Variants in HMG20B observed in about 807,000 individuals in gnomAD.
The protein encoded by HMG20B is high mobility group 20B.
Under a neutral mutation model 41.6 loss-of-function variants are expected in HMG20B, and 24 were observed. The ratio of observed to expected loss-of-function variants is 0.58; its 90% CI spans 0.42 to 0.81. The LOEUF (loss-of-function observed/expected upper bound fraction) is 0.81, where lower values mean the gene tolerates loss of function less well. Among genes scored for constraint, HMG20B ranks in the 30% least tolerant of loss-of-function variants. The pLI is 0.00. For missense variants in HMG20B, 461 were observed against 444.0 expected (o/e 1.04, Z -0.34); for synonymous variants, 251 against 186.6 (o/e 1.34, Z -2.81).
At chr19:3,577,261 C>T in intron 8 of HMG20B, 154 bp downstream of exon 8, 1 of 599,298 alleles carries the variant, frequency 1.7e-6, no homozygotes, top group Non-Finnish European at 2.9e-6. Context: ...ATCGCCCCGC[C>T]CTCATCACCC....
In HMG20B at chr19:3,578,453, G is replaced by C. The variant is rs377088997; in HGVS notation, c.942-56G>C. On this transcript the variant is annotated intron_variant, in intron 9 of 9. Transcript: ENST00000333651. ...TGGTCTCTGGGGTTCCCCAGGGCCG[G>C]GGTGGGGGCCAGAGATGATGAGGGC... 2.2e-4 allele frequency: 318 copies of C among 1,471,884 alleles called. 1 individual carries two copies. Among genetic ancestry groups the C allele is most frequent in the Admixed American group, 5.0e-4 (19 of 38,028 alleles). The allele number at this position is 1,471,884 out of a possible 1,614,324, so 91.2% of individuals were successfully genotyped here. A position where few individuals can be genotyped will look rare whatever the true frequency, so the allele number is the denominator to read the frequency against.
At chr19:3,578,162 TG>T (rs1173544081) in intron 9 of HMG20B, 49 bp downstream of exon 9, 7 of 1,590,560 alleles carry the variant, frequency 4.4e-6, no homozygotes, top group Non-Finnish European at 6.0e-6. Flanking sequence ...GGCCCGGATG[TG>T]CCCGCCCTGG....
chr19:3,578,910 G>C lies in HMG20B; in HGVS notation c.*389G>C, dbSNP rs1370748331. The C allele has an allele frequency of 1.4e-5, 7 of 494,572 alleles. No homozygotes were observed. The highest frequency in any genetic ancestry group is 2.4e-5 in the Non-Finnish European group (6 of 254,014). The allele number at this position is 494,572 out of a possible 1,614,324, so 30.6% of individuals were successfully genotyped here. On this transcript the variant is annotated 3_prime_UTR_variant, in exon 10 of 10. Coordinates refer to ENST00000333651, the MANE Select transcript of HMG20B (RefSeq NM_006339.3). ...GGCTGTGCCATAGGCCACACAGGAA[G>C]CTGCCTTGTGGGGACTTACCTGGGG...
chr19:3,573,102 C>T, intron 1 of HMG20B, 108 bp downstream of exon 1: 1 of 508,552 alleles, frequency 2.0e-6, no homozygotes, highest in Middle Eastern at 5.2e-4. Flanking sequence ...CCAGGCCTCC[C>T]GGGGGGGGCA....
At chr19:3,574,058 C>G in intron 3 of HMG20B, 1 of 655,034 alleles carries the variant, frequency 1.5e-6, no homozygotes, top group South Asian at 1.6e-5. Flanking sequence ...GGGCGGCACC[C>G]TCCCCTTGGT....
At chr19:3,574,628 G>A (rs779521213) in intron 4 of HMG20B, 42 bp downstream of exon 4, 57 of 1,520,196 alleles carry the variant, frequency 3.7e-5, no homozygotes, top group Middle Eastern at 3.4e-4. Flanking sequence ...CGGGGTCCAC[G>A]GACTACCCCC....
intron 6 of HMG20B, 113 bp from the exon 7 acceptor site, chr19:3,576,440 T>C: frequency 7.5e-7 from 1 of 1,332,656 alleles, no homozygotes; most frequent in Non-Finnish European, 1.1e-6. Context: ...GGATCGCTGT[T>C]GATTGTACTC....
At chr19:3,576,423 C>A in intron 6 of HMG20B, 116 bp downstream of exon 6, 2 of 1,348,378 alleles carry the variant, frequency 1.5e-6, no homozygotes, top group South Asian at 2.3e-5. Context: ...GGTGCCACTG[C>A]ACCGTGGGAT....
Position 3,573,337 on chromosome 19 carries a change from G to A in HMG20B, c.28G>A (p.Ala10Thr), listed in dbSNP as rs1178902180. ...GTCCCACGGCCCCAAGCAGCCCGGC[G>A]CGGCCGCCGCGTGAGTGCACTGATC... MSHGPKQPG[A>T]AAAPAGGKAP... The change falls in exon 2 of 10, where the codon GCG (alanine) becomes ACG (threonine). Residue 10 changes from alanine to threonine, a missense_variant. Ala to Thr is a moderately conservative substitution (Grantham distance 58). Around this residue, in one of 3 missense-constraint regions of HMG20B, gnomAD observed 104 missense variants for 76.5 expected, o/e 1.36. Transcript: ENST00000333651. 2.0e-6 allele frequency: 3 copies of A among 1,534,478 alleles called. No individual in the cohort carries two copies. Among genetic ancestry groups the A allele is most frequent in the East Asian group, 2.6e-5 (1 of 38,982 alleles).
chr19:3,574,714 ACT>A, intron 4 of HMG20B, 128 bp downstream of exon 4: 2 of 710,620 alleles, frequency 2.8e-6, no homozygotes, highest in African/African-American at 2.0e-5. Flanking sequence ...CCCATAACCA[ACT>A]TTTTTTTTTT....
intron 9 of HMG20B, 147 bp downstream of exon 9, chr19:3,578,260 CT>C: frequency 3.2e-6 from 4 of 1,244,222 alleles, no homozygotes; most frequent in Non-Finnish European, 4.4e-6. Flanking sequence ...GCGGTCGCCC[CT>C]GATGCACCAG....
chr19:3,577,895 C>G lies in HMG20B; in HGVS notation c.809-86C>G, dbSNP rs968100644. Reference sequence around the variant, plus strand: ...ACCTCTGAGCGCCCGCGCGACCCGCCCTGAGTCACCCCCTACCGCTGCCCC... The same window carrying G: ...ACCTCTGAGCGCCCGCGCGACCCGCGCTGAGTCACCCCCTACCGCTGCCCC... On this transcript the variant is annotated intron_variant, in intron 8 of 9. Transcript: ENST00000333651. 4 of 1,304,998 alleles carry G rather than the reference C, an allele frequency of 3.1e-6. No individual in the cohort carries two copies. The African/African-American group carries it at 5.9e-5, about 19-fold the overall frequency. The allele number at this position is 1,304,998 out of a possible 1,614,324, so 80.8% of individuals were successfully genotyped here. A position where few individuals can be genotyped will look rare whatever the true frequency, so the allele number is the denominator to read the frequency against.
intron 5 of HMG20B, 156 bp downstream of exon 5, chr19:3,575,816 T>C (rs1307786146): frequency 3.3e-6 from 2 of 609,986 alleles, no homozygotes; most frequent in Non-Finnish European, 5.6e-6. Flanking sequence ...TGGTGGCGGG[T>C]GCCTGTAATC....
intron 3 of HMG20B, 163 bp from the exon 4 acceptor site, chr19:3,574,220 C>T (rs2032106399): frequency 4.5e-6 from 3 of 665,212 alleles, no homozygotes; most frequent in Non-Finnish European, 5.3e-6. Flanking sequence ...CCCACCGTGT[C>T]CCGACTGCTG....
At chr19:3,577,192 CT>C in intron 8 of HMG20B, 85 bp downstream of exon 8, 1 of 1,054,690 alleles carries the variant, frequency 9.5e-7, no homozygotes, top group Middle Eastern at 3.2e-4. Context: ...CCCCCTTCCC[CT>C]GTCGCCCGGC....
intron 7 of HMG20B, 51 bp from the exon 8 acceptor site, chr19:3,576,841 A>AG: frequency 6.5e-7 from 1 of 1,537,394 alleles, no homozygotes; most frequent in Non-Finnish European, 8.8e-7. Flanking sequence ...AAAAGCCCGG[A>AG]GGTAGGGGAA....
rs1290988479 is a variant in HMG20B, at chr19:3,573,672, C to A, written c.39-20C>A. 6.7e-7 allele frequency: 1 copy of A among 1,486,198 alleles called. No individual in the cohort carries two copies. Among genetic ancestry groups the A allele is most frequent in the East Asian group, 2.5e-5 (1 of 40,616 alleles). The allele number at this position is 1,486,198 out of a possible 1,614,324, so 92.1% of individuals were successfully genotyped here. On this transcript the variant is annotated intron_variant, in intron 2 of 9. Coordinates refer to ENST00000333651, the MANE Select transcript of HMG20B (RefSeq NM_006339.3). Reference sequence around the variant, plus strand: ...GGGAGATTCTTGGGACGGGGCTGACCGCGGTATCCTTGGCTCCAGGCCGGC... The same window carrying A: ...GGGAGATTCTTGGGACGGGGCTGACAGCGGTATCCTTGGCTCCAGGCCGGC...
At position 3,578,603 on chromosome 19, in the gene HMG20B, G is replaced by T. The variant is rs2032225626; in HGVS notation, c.*82G>T. On this transcript the variant is annotated 3_prime_UTR_variant, in exon 10 of 10. Coordinates refer to ENST00000333651, the MANE Select transcript of HMG20B (RefSeq NM_006339.3). ...CCACCCCGTGGACGAGAGGCTGGGG[G>T]TCCACCCTTTGGGGCCTGGTCCCAT... 10 of 1,528,192 alleles carry T rather than the reference G, an allele frequency of 6.5e-6. No homozygotes were observed. The highest frequency in any genetic ancestry group is 4.9e-5 in the East Asian group (2 of 40,824). 94.7% of individuals were successfully genotyped at this position (1,528,192 alleles called of 1,614,324 possible). A position where few individuals can be genotyped will look rare whatever the true frequency, so the allele number is the denominator to read the frequency against.
intron 2 of HMG20B, 34 bp downstream of exon 2, chr19:3,573,381 T>G: frequency 6.6e-7 from 1 of 1,504,636 alleles, no homozygotes; most frequent in Non-Finnish European, 8.9e-7. Flanking sequence ...ACGCCCTCGC[T>G]ACTTTCCCGG....
Sources: gnomAD v4.1 joint callset for allele counts on GRCh38, gnomAD v4.1.1 for gene constraint, gnomAD v4.1.1 regional missense constraint, MANE v1.5 for transcripts, NCBI Gene and HGNC (gene_info 2026-07-23, HGNC 2026-07-21) for gene names.